Variants in DNAH6 observed in about 807,000 individuals in gnomAD.
DNAH6 encodes the protein axonemal beta dynein heavy chain 6.
In DNAH6, 340 loss-of-function variants were observed where a neutral mutation model predicts 491.4. The observed-to-expected ratio is 0.69, with a 90% CI of 0.63 to 0.76. The LOEUF (loss-of-function observed/expected upper bound fraction) is 0.76, where lower values mean the gene tolerates loss of function less well. Ranked by LOEUF, DNAH6 falls within the 30% of genes least tolerant of loss-of-function variation. The pLI, the probability that DNAH6 is intolerant of heterozygous loss-of-function variation, is 0.00. For missense variants in DNAH6, 4,443 were observed against 4,972.2 expected (o/e 0.89, Z 3.20); for synonymous variants, 1,603 against 1,686.1 (o/e 0.95, Z 1.21).
intron 12 of DNAH6, among the ~76,000 whole-genome samples, chr2:84,574,525 A>C (rs183930437): frequency 6.6e-6 from 1 of 152,194 alleles, no homozygotes; most frequent in Non-Finnish European, 1.5e-5. Context: ...TCTGATTGTT[A>C]TGTCCCTTAA....
chr2:84,601,107 C>T (rs1417615296), intron 18 of DNAH6, among the ~76,000 whole-genome samples: 1 of 140,890 alleles, frequency 7.1e-6, no homozygotes, highest in Non-Finnish European at 1.5e-5. Context: ...ATGGATGAGT[C>T]AGGAAATATA....
intron 16 of DNAH6, among the ~76,000 whole-genome samples, chr2:84,591,110 CAG>C (rs985524222): frequency 5.3e-5 from 8 of 152,292 alleles, no homozygotes; most frequent in African/African-American, 1.9e-4. Flanking sequence ...GATACATTAT[CAG>C]GGGACTGCTC....
chr2:84,485,913 C>T, the DNAH6 span, among the ~76,000 whole-genome samples: 1 of 151,656 alleles, frequency 6.6e-6, no homozygotes, highest in African/African-American at 2.4e-5. Context: ...CCCCAAACTC[C>T]AACCTCCTAA....
chr2:84,469,229 C>G, the DNAH6 span, among the ~76,000 whole-genome samples: 3 of 152,208 alleles, frequency 2.0e-5, no homozygotes, highest in East Asian at 5.8e-4. This position sits in a 1 kb window ranked among gnomAD's most constrained non-coding sequence, Gnocchi z 4.0. Context: ...AAATTCTTAC[C>G]CTTTTGCCAG....
At chr2:84,701,956 T>C (rs1398769206) in intron 49 of DNAH6, among the ~76,000 whole-genome samples, 1 of 152,198 alleles carries the variant, frequency 6.6e-6, no homozygotes, top group African/African-American at 2.4e-5. Context: ...TCAATAATTA[T>C]ATATATTTTC....
At chr2:84,693,184 C>G (rs150653499) in intron 45 of DNAH6, among the ~76,000 whole-genome samples, 32 of 152,038 alleles carry the variant, frequency 2.1e-4, no homozygotes, top group Middle Eastern at 3.2e-3. Flanking sequence ...TTTGTTTCTC[C>G]GAGATTTGCC....
intron 35 of DNAH6, among the ~76,000 whole-genome samples, chr2:84,657,218 G>A (rs1691065881): frequency 6.6e-6 from 1 of 151,960 alleles, no homozygotes; most frequent in Non-Finnish European, 1.5e-5. Flanking sequence ...ATAACCCACT[G>A]TCTTGATTAC....
chr2:84,554,624 T>C (rs56722207), intron 10 of DNAH6, among the ~76,000 whole-genome samples: 1,740 of 152,360 alleles, frequency 0.011, 33 homozygotes, highest in African/African-American at 0.04. Context: ...ATATGAGTTC[T>C]AGCATTGATT....
Position 84,670,461 on chromosome 2 carries a change from G to T in DNAH6, c.6440G>T (p.Arg2147Ile), listed in dbSNP as rs558660383. 3 of 1,524,988 alleles carry T rather than the reference G, an allele frequency of 2.0e-6. No individual in the cohort carries two copies. The highest frequency in any genetic ancestry group is 2.5e-5 in the South Asian group (2 of 78,452). 94.5% of individuals were successfully genotyped at this position (1,524,988 alleles called of 1,614,324 possible). A position where few individuals can be genotyped will look rare whatever the true frequency, so the allele number is the denominator to read the frequency against. The change falls in exon 39 of 77, where the codon AGA (arginine) becomes ATA (isoleucine). Residue 2147 changes from arginine to isoleucine, a missense_variant. Around this residue, in one of 3 missense-constraint regions of DNAH6, gnomAD observed 2,977 missense variants for 3,296.6 expected, o/e 0.90. Coordinates refer to ENST00000389394, the MANE Select transcript of DNAH6 (RefSeq NM_001370.2). ...EIIESKLERK[R>I]KNILGAPGNK... ...ATTGAGTCAAAACTGGAGAGAAAAA[G>T]AAAAAATATTCTAGGTAAGAATCAT... is the stretch of plus-strand genomic sequence containing the variant.
intron 37 of DNAH6, among the ~76,000 whole-genome samples, chr2:84,663,195 G>T (rs1691708144): frequency 6.6e-6 from 1 of 152,208 alleles, no homozygotes; most frequent in African/African-American, 2.4e-5. Context: ...TCCTCCAAAG[G>T]AACACAGCTC....
chr2:84,815,999 C>T lies in DNAH6; in HGVS notation c.12289C>T (p.Gln4097Ter). Residue 4097 changes from glutamine (Q) to a stop codon, truncating the protein, a stop_gained, in exon 76 of 77, where the codon CAA becomes TAA. Coordinates refer to ENST00000389394, the MANE Select transcript of DNAH6 (RefSeq NM_001370.2). LOFTEE classifies it high-confidence loss of function. ...PVLPVVHFEP[Q>*]QNYKPSPTLY... ...GCTGCCTGTGGTGCATTTTGAACCA[C>T]AACAAAACTATAAGCCAAGCCCAAC... 1 of 1,551,824 alleles carries T rather than the reference C, an allele frequency of 6.4e-7. No homozygotes were observed. The highest frequency in any genetic ancestry group is 8.7e-7 in the Non-Finnish European group (1 of 1,147,036).
rs2104570748 is a variant in DNAH6 at position 84,654,544 on chromosome 2, C to G, written c.5635-116C>G. The G allele has an allele frequency of 2.3e-6, 3 of 1,331,134 alleles. No individual in the cohort carries two copies. In the South Asian group the frequency reaches 4.5e-5, roughly 20 times the overall value. The allele number at this position is 1,331,134 out of a possible 1,614,324, so 82.5% of individuals were successfully genotyped here. On this transcript the variant is annotated intron_variant, in intron 34 of 76. Coordinates refer to ENST00000389394, the MANE Select transcript of DNAH6 (RefSeq NM_001370.2). The stretch of plus-strand genomic sequence containing the variant: ...CTCCCACTCTCTTCCACATGAAGCC[C>G]TTCAGTGTTGTTAGACTTTAAAAGT...
intron 33 of DNAH6, among the ~76,000 whole-genome samples, chr2:84,643,045 T>G (rs2104512549): frequency 1.3e-5 from 2 of 152,304 alleles, no homozygotes; most frequent in Middle Eastern, 3.4e-3. Flanking sequence ...TTTTAACATT[T>G]CTTGCAAGGC....
At chr2:84,588,055 C>T (rs1284728401) in intron 15 of DNAH6, among the ~76,000 whole-genome samples, 2 of 152,236 alleles carry the variant, frequency 1.3e-5, no homozygotes, top group Admixed American at 6.5e-5. Flanking sequence ...GTTCTCTCAA[C>T]AGTTCCCACT....
At chr2:84,521,554 A>G (rs1390216058) in intron 2 of DNAH6, among the ~76,000 whole-genome samples, 1 of 152,086 alleles carries the variant, frequency 6.6e-6, no homozygotes, top group East Asian at 1.9e-4. Flanking sequence ...GCCAATTCCT[A>G]CGTTCAGAAT....
In DNAH6 at chr2:84,619,701, A is replaced by G; in HGVS notation, c.3589A>G (p.Asn1197Asp). 1.9e-6 allele frequency: 3 copies of G among 1,551,392 alleles called. No individual in the cohort carries two copies. The highest frequency in any genetic ancestry group is 2.6e-6 in the Non-Finnish European group (3 of 1,146,688). ...VIFPRFYFLS[N>D]DELLEILAQT... ...TTAATCCAGGTTTTACTTCTTGTCAAATGATGAACTTCTGGAGATTTTGGC... is the reference window on the plus strand; with the variant it reads ...TTAATCCAGGTTTTACTTCTTGTCAGATGATGAACTTCTGGAGATTTTGGC... The change falls in exon 24 of 77, where the codon AAT (asparagine) becomes GAT (aspartate). Residue 1197 changes from asparagine (N) to aspartate (D), a missense_variant. Physicochemically the swap from Asn to Asp is conservative, Grantham distance 23. Coordinates refer to ENST00000389394, the MANE Select transcript of DNAH6 (RefSeq NM_001370.2).
At chr2:84,462,005 A>G in the DNAH6 span, among the ~76,000 whole-genome samples, 1 of 152,372 alleles carries the variant, frequency 6.6e-6, no homozygotes, top group Middle Eastern at 3.4e-3. Context: ...CCCCAAAGTC[A>G]TCAAGCCAAG....
intron 16 of DNAH6, among the ~76,000 whole-genome samples, chr2:84,590,515 A>G (rs1009636976): frequency 6.6e-6 from 1 of 150,384 alleles, no homozygotes; most frequent in Non-Finnish European, 1.5e-5. Context: ...AAAAAAAAAA[A>G]AAAGCTACAA....
chr2:84,527,374 C>G (rs1676698317), intron 3 of DNAH6, among the ~76,000 whole-genome samples: 1 of 152,002 alleles, frequency 6.6e-6, no homozygotes, highest in African/African-American at 2.4e-5. Context: ...AAATGTGAAT[C>G]ACATTTTCCC....
Sources: gnomAD v4.1 joint callset for allele counts (sites outside exome capture counted in the v4.1 genomes callset) on GRCh38, gnomAD v4.1.1 for gene constraint, gnomAD v4.1.1 regional missense constraint, Gnocchi (gnomAD v3.1) non-coding constraint, MANE v1.5 for transcripts, NCBI Gene and HGNC (gene_info 2026-07-23, HGNC 2026-07-21) for gene names.